Variants in THSD7B observed in about 807,000 individuals in gnomAD.
THSD7B encodes thrombospondin type 1 domain containing 7B, also known as thrombospondin type-1 domain-containing protein 7B.
A neutral mutation model predicts 213.6 loss-of-function variants in THSD7B; 138 were observed. The observed-to-expected ratio is 0.65, with a 90% CI of 0.56 to 0.74. The LOEUF is 0.74. Among genes scored for constraint, THSD7B ranks in the 30% least tolerant of loss-of-function variants. THSD7B has a pLI of 0.00. For synonymous variants in THSD7B, 742 were observed against 687.0 expected (o/e 1.08, Z -1.25); for missense variants, 1,931 against 1,991.5 (o/e 0.97, Z 0.58).
At chr2:137,165,817 A>C (rs1430805679) in intron 6 of THSD7B, among the ~76,000 whole-genome samples, 6 of 151,966 alleles carry the variant, frequency 3.9e-5, no homozygotes, top group Admixed American at 3.9e-4. Context: ...AGAAAGATGG[A>C]GTATTTAAGA....
intron 5 of THSD7B, among the ~76,000 whole-genome samples, chr2:137,135,746 CAT>C (rs1463703412): frequency 1.3e-5 from 2 of 152,018 alleles, no homozygotes; most frequent in Non-Finnish European, 2.9e-5. Flanking sequence ...AGTCTCTGAA[CAT>C]AGTCTCTAAA....
At chr2:137,345,378 A>T (rs1684854395) in intron 12 of THSD7B, among the ~76,000 whole-genome samples, 1 of 151,738 alleles carries the variant, frequency 6.6e-6, no homozygotes, top group African/African-American at 2.4e-5. Flanking sequence ...GGAAAAAAAT[A>T]ATTTATAAGC....
At chr2:137,047,906 TTTTA>T (rs1450142047) in intron 2 of THSD7B, among the ~76,000 whole-genome samples, 2 of 152,104 alleles carry the variant, frequency 1.3e-5, no homozygotes. Context: ...CTCTACAGTT[TTTTA>T]TTTGTTTTTT....
chr2:137,091,858 A>G (rs1687954085), intron 3 of THSD7B, among the ~76,000 whole-genome samples: 1 of 152,170 alleles, frequency 6.6e-6, no homozygotes, highest in Non-Finnish European at 1.5e-5. Context: ...AATTTCTGAA[A>G]AGTCAAAACA....
chr2:136,862,618 G>A (rs1259022896), intron 1 of THSD7B, among the ~76,000 whole-genome samples: 1 of 152,164 alleles, frequency 6.6e-6, no homozygotes, highest in African/African-American at 2.4e-5. Context: ...TCATCAACTG[G>A]GGAGTGAATA....
chr2:137,235,677 T>G (rs1268457086), intron 9 of THSD7B, among the ~76,000 whole-genome samples: 1 of 152,198 alleles, frequency 6.6e-6, no homozygotes, highest in East Asian at 1.9e-4. Context: ...AGTTTGTAGT[T>G]TAAAACATAA....
intron 2 of THSD7B, among the ~76,000 whole-genome samples, chr2:136,895,297 C>T (rs960012443): frequency 2.6e-5 from 4 of 152,012 alleles, no homozygotes; most frequent in Non-Finnish European, 5.9e-5. Context: ...AGAACTGAAA[C>T]TTGCCCAGTG....
At chr2:137,208,485 C>T (rs545858147) in intron 7 of THSD7B, among the ~76,000 whole-genome samples, 144 of 152,106 alleles carry the variant, frequency 9.5e-4, no homozygotes, top group Non-Finnish European at 1.6e-3. Flanking sequence ...TACGCAAAAC[C>T]CTGGGTGGGC....
Position 136,990,913 on chromosome 2 carries a change from G to T in THSD7B, c.140-65507G>T. Reference sequence around the variant, plus strand: ...AACGATGCATAACACAGCAGATGAGGTGGTTTTGTATCACAAATTAGCAGG... The same window carrying T: ...AACGATGCATAACACAGCAGATGAGTTGGTTTTGTATCACAAATTAGCAGG... On this transcript the variant is annotated intron_variant, in intron 2 of 27. Transcript: ENST00000409968. 3 of 1,349,738 alleles carry T rather than the reference G, an allele frequency of 2.2e-6. No homozygotes were observed. The Middle Eastern group carries it at 6.3e-4, about 284-fold the overall frequency. 83.6% of individuals were successfully genotyped at this position (1,349,738 alleles called of 1,614,324 possible).
rs148730247 is a variant in THSD7B, at chr2:137,061,870, G to A, written c.950+4640G>A. 1.4e-3 allele frequency among the ~76,000 whole-genome samples: 214 copies of A among 151,782 alleles called. 1 individual carries two copies. Among genetic ancestry groups the A allele is most frequent in the African/African-American group, 5.0e-3 (207 of 41,500 alleles). On this transcript the variant is annotated intron_variant, in intron 3 of 27. Coordinates refer to ENST00000409968, the MANE Select transcript of THSD7B (RefSeq NM_001316349.2). ...ATGTTAGGGTAATGCTGCCCTCTTC[G>A]AATGAATTGGAAAGTATTTTCTGTG...
At chr2:137,076,809 G>A (rs1259205170) in intron 3 of THSD7B, among the ~76,000 whole-genome samples, 2 of 151,754 alleles carry the variant, frequency 1.3e-5, no homozygotes, top group African/African-American at 4.8e-5. Context: ...ACAGTATATT[G>A]TTTATTTGTT....
chr2:137,110,215 A>G (rs141523175), intron 4 of THSD7B, among the ~76,000 whole-genome samples: 37 of 152,286 alleles, frequency 2.4e-4, no homozygotes, highest in African/African-American at 8.9e-4. Context: ...TCCCAAGGTC[A>G]GGGGCTTTCT....
At chr2:137,611,399 A>C (rs1682287035) in intron 17 of THSD7B, among the ~76,000 whole-genome samples, 1 of 152,080 alleles carries the variant, frequency 6.6e-6, no homozygotes, top group Non-Finnish European at 1.5e-5. Flanking sequence ...AAAAACATGT[A>C]CTCACAAGGC....
At chr2:136,877,545 G>C (rs976628216) in intron 1 of THSD7B, among the ~76,000 whole-genome samples, 29 of 152,114 alleles carry the variant, frequency 1.9e-4, no homozygotes, top group African/African-American at 6.3e-4. Flanking sequence ...GAAAAGTTTT[G>C]GTTGCTTTTT....
chr2:137,551,629 T>C (rs1680849969), intron 15 of THSD7B, among the ~76,000 whole-genome samples: 1 of 152,202 alleles, frequency 6.6e-6, no homozygotes, highest in Non-Finnish European at 1.5e-5. Flanking sequence ...AAAATTTATT[T>C]ATCAATACAT....
At chr2:136,937,657 G>A (rs939221580) in intron 2 of THSD7B, among the ~76,000 whole-genome samples, 11 of 152,028 alleles carry the variant, frequency 7.2e-5, no homozygotes, top group African/African-American at 2.4e-4. Context: ...TTATCACCAA[G>A]CATTAATATT....
chr2:137,338,263 A>G (rs1684685399), intron 12 of THSD7B, among the ~76,000 whole-genome samples: 1 of 152,038 alleles, frequency 6.6e-6, no homozygotes, highest in African/African-American at 2.4e-5. Context: ...AGCATTTTGC[A>G]TGGCGAATAG....
intron 2 of THSD7B, among the ~76,000 whole-genome samples, chr2:136,931,856 T>C (rs1464789499): frequency 1.3e-5 from 2 of 152,012 alleles, no homozygotes; most frequent in Non-Finnish European, 2.9e-5. Context: ...AGTTCAGAGG[T>C]TTTAATAGAT....
chr2:137,245,119 T>C (rs76748205), intron 10 of THSD7B, among the ~76,000 whole-genome samples: 3,054 of 152,288 alleles, frequency 0.02, 106 homozygotes, highest in African/African-American at 0.069. Flanking sequence ...AAACTTGCTT[T>C]AACGCTAGAT....
Sources: allele counts gnomAD v4.1 joint callset (sites outside exome capture counted in the v4.1 genomes callset), GRCh38; gene constraint gnomAD v4.1.1; transcripts MANE v1.5; gene names NCBI Gene and HGNC (gene_info 2026-07-23, HGNC 2026-07-21).